Variants in HS3ST2 observed in about 807,000 individuals in gnomAD.
The protein encoded by HS3ST2 is heparan sulfate-glucosamine 3-sulfotransferase 2, also known as heparan sulfate glucosamine 3-O-sulfotransferase 2.
Under a neutral mutation model 26.3 loss-of-function variants are expected in HS3ST2, and 17 were observed. The ratio of observed to expected loss-of-function variants is 0.65; its 90% CI spans 0.44 to 0.97. HS3ST2 has a LOEUF of 0.97. Among genes scored for constraint, HS3ST2 ranks in the 50% least tolerant of loss-of-function variants. HS3ST2 has a pLI of 0.00. For missense variants in HS3ST2, 402 were observed against 501.2 expected (o/e 0.80, Z 1.89); for synonymous variants, 237 against 219.2 (o/e 1.08, Z -0.72).
Position 22,818,766 on chromosome 16 carries a change from TTCCTTCCC to T in HS3ST2, c.485+3679_485+3686del, listed in dbSNP as rs1567478282. Among the ~76,000 whole-genome samples the T allele has an allele frequency of 5.5e-3, 253 of 45,736 alleles. 41 individuals are homozygous for T. The highest frequency in any genetic ancestry group is 9.5e-3 in the South Asian group (9 of 944). 30.0% of individuals were successfully genotyped at this position (45,736 alleles called of 152,430 possible). On this transcript the variant is annotated intron_variant, in intron 1 of 1. Transcript: ENST00000261374. ...CTTCCTTCCTTCCTTCCTTCATTCC[TTCCTTCCC>T]TCCTTCCTTCCTTCCCTCCCTCCCT...
rs1348820257 is a variant in HS3ST2 at position 22,915,574 on chromosome 16, G to A, written c.*12G>A. ...TCAGGTGGGAATAAGCCCACGAAAG[G>A]AAAGGGCTCTCAAGGGCTCTTCTGC... On this transcript the variant is annotated 3_prime_UTR_variant, in exon 2 of 2. Coordinates refer to ENST00000261374, the MANE Select transcript of HS3ST2 (RefSeq NM_006043.2). The A allele has an allele frequency of 1.3e-5, 21 of 1,606,062 alleles. No individual in the cohort carries two copies. The highest frequency in any genetic ancestry group is 1.6e-5 in the Non-Finnish European group (19 of 1,176,068).
Position 22,871,853 on chromosome 16 carries a change from C to T in HS3ST2, c.486-43091C>T, listed in dbSNP as rs755603334. ...TTTGGGTTAGAAACCTGTGTGACTC[C>T]GACGCCAATATTGGTAGGGAAAGGA... is the stretch of plus-strand genomic sequence containing the variant. On this transcript the variant is annotated intron_variant, in intron 1 of 1. Coordinates refer to ENST00000261374, the MANE Select transcript of HS3ST2 (RefSeq NM_006043.2). Among the ~76,000 whole-genome samples, 22 of 152,160 alleles carry T rather than the reference C, an allele frequency of 1.4e-4. 1 individual carries two copies. The highest frequency in any genetic ancestry group is 5.8e-4 in the East Asian group (3 of 5,188).
rs760221218 is a variant in HS3ST2 at position 22,814,700 on chromosome 16, C to T, written c.90C>T (p.Cys30=). 6.2e-7 allele frequency: 1 copy of T among 1,607,908 alleles called. No homozygotes were observed. The highest frequency in any genetic ancestry group is 1.1e-5 in the South Asian group (1 of 90,136). ...LLFAFTLSLS[C]TYLCYSFLCC... is the part of the protein sequence containing the mutation. ...TCGCCTTCACGCTCTCGCTCTCCTG[C>T]ACTTACCTGTGTTACAGCTTCCTGT... The change falls in exon 1 of 2, where the codon TGC becomes TGT. Residue 30 remains cysteine, a synonymous_variant. Coordinates refer to ENST00000261374, the MANE Select transcript of HS3ST2 (RefSeq NM_006043.2).
At chr16:22,872,254 A>G (rs1481028236) in intron 1 of HS3ST2, among the ~76,000 whole-genome samples, 2 of 152,194 alleles carry the variant, frequency 1.3e-5, no homozygotes, top group Non-Finnish European at 2.9e-5. Flanking sequence ...TTCTCATATC[A>G]ACCCTAAGGA....
chr16:22,815,408 A>G (rs984672917), intron 1 of HS3ST2, among the ~76,000 whole-genome samples: 4 of 152,206 alleles, frequency 2.6e-5, no homozygotes, highest in Admixed American at 6.5e-5. Context: ...GTGCCCAAGG[A>G]AGGGACAGGC....
intron 1 of HS3ST2, among the ~76,000 whole-genome samples, chr16:22,857,981 C>A (rs1420683733): frequency 6.6e-6 from 1 of 152,064 alleles, no homozygotes; most frequent in Non-Finnish European, 1.5e-5. Flanking sequence ...GGTGGTTGTT[C>A]TTTGATTCAC....
intron 1 of HS3ST2, among the ~76,000 whole-genome samples, chr16:22,826,011 A>G (rs1256224762): frequency 6.6e-6 from 1 of 152,204 alleles, no homozygotes; most frequent in African/African-American, 2.4e-5. Context: ...CAAAAAGAGC[A>G]AAACTCCATC....
At chr16:22,866,316 TGCGC>T (rs140600798) in intron 1 of HS3ST2, among the ~76,000 whole-genome samples, 1 of 145,246 alleles carries the variant, frequency 6.9e-6, no homozygotes, top group Non-Finnish European at 1.5e-5. Flanking sequence ...CGCAAGCACG[TGCGC>T]GCGCGCGCAC....
At position 22,814,907 on chromosome 16, in the gene HS3ST2, C is replaced by T. The variant is rs762718485; in HGVS notation, c.297C>T (p.Ser99=). Residue 99 remains serine (S), a synonymous_variant, in exon 1 of 2, where the codon TCC becomes TCT. Coordinates refer to ENST00000261374, the MANE Select transcript of HS3ST2 (RefSeq NM_006043.2). ...PAAAVPAPRL[S]GSNHSGSPKL... is the part of the protein sequence containing the mutation. ...CCGCCGTGCCCGCCCCTCGCCTCTC[C>T]GGTTCCAACCACTCCGGCTCACCCA... 5.5e-5 allele frequency: 87 copies of T among 1,587,900 alleles called. No individual in the cohort carries two copies. The highest frequency in any genetic ancestry group is 7.0e-5 in the Non-Finnish European group (82 of 1,167,968).
chr16:22,889,733 T>C (rs1029919965), intron 1 of HS3ST2, among the ~76,000 whole-genome samples: 2 of 152,038 alleles, frequency 1.3e-5, no homozygotes, highest in Non-Finnish European at 2.9e-5. Flanking sequence ...AATTTTTAGG[T>C]GATGGAAACA....
At chr16:22,886,144 GC>G (rs1260309571) in intron 1 of HS3ST2, among the ~76,000 whole-genome samples, 1 of 152,178 alleles carries the variant, frequency 6.6e-6, no homozygotes, top group African/African-American at 2.4e-5. Flanking sequence ...CTGTTTTATA[GC>G]TCAAGTTAGC....
chr16:22,882,322 A>G (rs1229491613), intron 1 of HS3ST2, among the ~76,000 whole-genome samples: 1 of 152,206 alleles, frequency 6.6e-6, no homozygotes. Flanking sequence ...TGATTAGACT[A>G]CTGCACTCCA....
At chr16:22,829,174 T>G (rs1297352369) in intron 1 of HS3ST2, among the ~76,000 whole-genome samples, 1 of 152,230 alleles carries the variant, frequency 6.6e-6, no homozygotes, top group Non-Finnish European at 1.5e-5. Context: ...TATGTCATTT[T>G]CAGCTGGGAA....
At chr16:22,879,763 C>T (rs916670) in intron 1 of HS3ST2, among the ~76,000 whole-genome samples, 22,345 of 152,092 alleles carry the variant, frequency 0.15, 2,493 homozygotes, top group East Asian at 0.36. Context: ...GAGGTACCAA[C>T]TCCACTGCTG....
intron 1 of HS3ST2, among the ~76,000 whole-genome samples, chr16:22,889,069 G>A (rs1198867716): frequency 2.0e-5 from 3 of 152,174 alleles, no homozygotes; most frequent in Non-Finnish European, 4.4e-5. Context: ...TATAACAGCC[G>A]TGGCATCGTG....
intron 1 of HS3ST2, among the ~76,000 whole-genome samples, chr16:22,822,435 T>TG (rs1901007677): frequency 6.6e-6 from 1 of 152,222 alleles, no homozygotes; most frequent in Admixed American, 6.5e-5. Flanking sequence ...CCTAGAGTGC[T>TG]GGGATTACAG....
At chr16:22,816,441 C>A (rs1056353658) in intron 1 of HS3ST2, among the ~76,000 whole-genome samples, 2 of 152,204 alleles carry the variant, frequency 1.3e-5, no homozygotes, top group Non-Finnish European at 2.9e-5. Flanking sequence ...TGATTTAGCA[C>A]CTTTGCAGGT....
chr16:22,866,853 G>T (rs1392743604), intron 1 of HS3ST2, among the ~76,000 whole-genome samples: 2 of 152,006 alleles, frequency 1.3e-5, no homozygotes, highest in Non-Finnish European at 2.9e-5. Flanking sequence ...AACTTTACTA[G>T]ATAATATAAA....
chr16:22,870,995 C>G lies in HS3ST2; in HGVS notation c.486-43949C>G, dbSNP rs534901094. Among the ~76,000 whole-genome samples, 3 of 152,292 alleles carry G rather than the reference C, an allele frequency of 2.0e-5. No homozygotes were observed. In the South Asian group the frequency reaches 6.2e-4, roughly 32 times the overall value. On this transcript the variant is annotated intron_variant, in intron 1 of 1. Coordinates refer to ENST00000261374, the MANE Select transcript of HS3ST2 (RefSeq NM_006043.2). ...ACCATACTTCAACTAGTCATGCAGG[C>G]ACCCTGTTTTTCACTTTCAGTATAG... is the stretch of plus-strand genomic sequence containing the variant.
Sources: allele counts gnomAD v4.1 joint callset (sites outside exome capture counted in the v4.1 genomes callset), GRCh38; gene constraint gnomAD v4.1.1; transcripts MANE v1.5; gene names NCBI Gene and HGNC (gene_info 2026-07-23, HGNC 2026-07-21).